The following CDK5RAP2 variants were observed in gnomAD, a reference collection of about 807,000 sequenced individuals.
The protein encoded by CDK5RAP2 is CDK5 regulatory subunit associated protein 2.
A neutral mutation model predicts 232.9 loss-of-function variants in CDK5RAP2; 147 were observed. The ratio of observed to expected loss-of-function variants is 0.63; its 90% CI spans 0.55 to 0.72. CDK5RAP2 has a LOEUF of 0.72. Among genes scored for constraint, CDK5RAP2 ranks in the 30% least tolerant of loss-of-function variants. CDK5RAP2 has a pLI of 0.00. For synonymous variants in CDK5RAP2, 833 were observed against 833.7 expected, an observed-to-expected ratio of 1.00 and a Z score of 0.01; for missense variants, 2,195 against 2,231.5, an observed-to-expected ratio of 0.98 and a Z score of 0.33.
At chr9:120,459,047 G>A (rs1243538237) in intron 19 of CDK5RAP2, among the ~76,000 whole-genome samples, 2 of 152,208 alleles carry the variant, frequency 1.3e-5, no homozygotes, top group African/African-American at 2.4e-5. Flanking sequence ...CCTAAGAAGA[G>A]TATGGAACCC....
chr9:120,529,869 T>C (rs924098690), intron 8 of CDK5RAP2, 109 bp downstream of exon 8: 4 of 1,075,230 alleles, frequency 3.7e-6, no homozygotes, highest in Non-Finnish European at 4.3e-6. Flanking sequence ...GGGACTCATA[T>C]TTAGAAGCAG....
intron 3 of CDK5RAP2, among the ~76,000 whole-genome samples, chr9:120,560,497 C>T (rs1470030716): frequency 6.6e-6 from 1 of 152,224 alleles, no homozygotes; most frequent in Non-Finnish European, 1.5e-5. Context: ...TGTGATTATG[C>T]TCCACTTGCC....
intron 7 of CDK5RAP2, among the ~76,000 whole-genome samples, chr9:120,531,750 G>A (rs1419971876): frequency 6.6e-6 from 1 of 152,170 alleles, no homozygotes; most frequent in African/African-American, 2.4e-5. Flanking sequence ...AGCTGCCCTA[G>A]TGAAGCACAG....
At chr9:120,541,957 A>G (rs2041651068) in intron 5 of CDK5RAP2, among the ~76,000 whole-genome samples, 1 of 152,244 alleles carries the variant, frequency 6.6e-6, no homozygotes, top group Non-Finnish European at 1.5e-5. Flanking sequence ...CAAGAAAGCC[A>G]GATTCTATAA....
chr9:120,541,532 C>T (rs929577399), intron 5 of CDK5RAP2, among the ~76,000 whole-genome samples: 3 of 152,114 alleles, frequency 2.0e-5, no homozygotes, highest in Non-Finnish European at 4.4e-5. Flanking sequence ...TGTTTTAAAG[C>T]TACAGAGATA....
intron 1 of CDK5RAP2, among the ~76,000 whole-genome samples, chr9:120,578,198 C>A (rs946979618): frequency 6.6e-6 from 1 of 152,072 alleles, no homozygotes; most frequent in Non-Finnish European, 1.5e-5. Flanking sequence ...ACCCGGGAGG[C>A]GGAGGTTGAA....
At chr9:120,566,150 A>T (rs2042639805) in intron 3 of CDK5RAP2, among the ~76,000 whole-genome samples, 1 of 152,200 alleles carries the variant, frequency 6.6e-6, no homozygotes, top group Non-Finnish European at 1.5e-5. Context: ...TCTTAAAATT[A>T]GCTTTAGGTG....
Position 120,402,857 on chromosome 9 carries a change from G to A in CDK5RAP2, c.5256C>T (p.Asp1752=). Residue 1752 remains aspartate, a synonymous_variant, in exon 34 of 38, where the codon GAC becomes GAT. Transcript: ENST00000349780. ...SQGQRLLAEM[D]IQTQEAPSST... The stretch of plus-strand genomic sequence containing the variant: ...AGCTGGGAGCCTCTTGGGTTTGAAT[G>A]TCCATTTCAGCAAGGAGCCTCTGTC... 1.9e-6 allele frequency: 3 copies of A among 1,614,176 alleles called. No individual in the cohort carries two copies. Among genetic ancestry groups the A allele is most frequent in the Non-Finnish European group, 1.7e-6 (2 of 1,180,030 alleles).
At chr9:120,418,740 A>G (rs559032480) in intron 27 of CDK5RAP2, among the ~76,000 whole-genome samples, 20 of 152,286 alleles carry the variant, frequency 1.3e-4, no homozygotes, top group African/African-American at 3.4e-4. Flanking sequence ...ACCCCAGCTG[A>G]TACCTCAGTT....
chr9:120,546,318 C>T (rs1318075046), intron 4 of CDK5RAP2, among the ~76,000 whole-genome samples: 1 of 152,210 alleles, frequency 6.6e-6, no homozygotes, highest in Admixed American at 6.5e-5. Flanking sequence ...TCACTTAAAG[C>T]TACAACCACA....
Position 120,439,987 on chromosome 9 carries a change from C to T in CDK5RAP2, c.3149-15G>A. 1 of 1,606,776 alleles carries T rather than the reference C, an allele frequency of 6.2e-7. No individual in the cohort carries two copies. Among genetic ancestry groups the T allele is most frequent in the East Asian group, 2.2e-5 (1 of 44,866 alleles). On this transcript the variant is annotated splice_polypyrimidine_tract_variant and intron_variant, in intron 23 of 37. Coordinates refer to ENST00000349780, the MANE Select transcript of CDK5RAP2 (RefSeq NM_018249.6). ...AATCTCAGAGTCTGAAAATCAAATA[C>T]ACTTATGTCAGTATCTCTTTTACTA...
At chr9:120,511,532 A>G (rs908326959) in intron 12 of CDK5RAP2, among the ~76,000 whole-genome samples, 1 of 152,194 alleles carries the variant, frequency 6.6e-6, no homozygotes, top group African/African-American at 2.4e-5. Flanking sequence ...TAAACTGCTC[A>G]AAGTACTCTT....
At chr9:120,455,601 G>A (rs1243900601) in intron 20 of CDK5RAP2, among the ~76,000 whole-genome samples, 1 of 152,058 alleles carries the variant, frequency 6.6e-6, no homozygotes, top group Non-Finnish European at 1.5e-5. Context: ...AAATTAGCCA[G>A]GGATGATGGC....
chr9:120,515,608 C>A lies in CDK5RAP2; in HGVS notation c.1311+2819G>T, dbSNP rs192712704. On this transcript the variant is annotated intron_variant, in intron 12 of 37. Coordinates refer to ENST00000349780, the MANE Select transcript of CDK5RAP2 (RefSeq NM_018249.6). ...TAGTGCACTCTAACATTGCTGGTGGCAGCATAAAATGGGCCAGCCTTTTGG... is the reference window on the plus strand; with the variant it reads ...TAGTGCACTCTAACATTGCTGGTGGAAGCATAAAATGGGCCAGCCTTTTGG... 3.9e-5 allele frequency among the ~76,000 whole-genome samples: 6 copies of A among 152,196 alleles called. 1 individual carries two copies. The highest frequency in any genetic ancestry group is 7.4e-5 in the Non-Finnish European group (5 of 68,004).
intron 34 of CDK5RAP2, 96 bp downstream of exon 34, chr9:120,402,710 T>A (rs1272290297): frequency 7.2e-7 from 1 of 1,389,304 alleles, no homozygotes; most frequent in Non-Finnish European, 1.0e-6. Flanking sequence ...CTTCTCAGGG[T>A]CCTAATGAGG....
At chr9:120,434,349 C>T (rs1003278189) in intron 25 of CDK5RAP2, among the ~76,000 whole-genome samples, 4 of 151,920 alleles carry the variant, frequency 2.6e-5, no homozygotes, top group East Asian at 3.9e-4. Flanking sequence ...GAGGGTGGGG[C>T]GGCAGAAGTA....
At chr9:120,452,603 C>T (rs893943094) in intron 21 of CDK5RAP2, among the ~76,000 whole-genome samples, 22 of 151,440 alleles carry the variant, frequency 1.5e-4, no homozygotes, top group African/African-American at 4.4e-4. Context: ...GGGGTCAAGC[C>T]GTGACCTCAA....
At chr9:120,532,177 A>G (rs1268314588) in intron 7 of CDK5RAP2, among the ~76,000 whole-genome samples, 3 of 152,162 alleles carry the variant, frequency 2.0e-5, no homozygotes, top group African/African-American at 7.2e-5. Context: ...CTAGGTTTTA[A>G]ACAGAAGGTG....
chr9:120,492,080 C>T (rs984457513), intron 12 of CDK5RAP2, among the ~76,000 whole-genome samples: 1 of 151,542 alleles, frequency 6.6e-6, no homozygotes, highest in African/African-American at 2.4e-5. Flanking sequence ...ATGTTATTCC[C>T]ATGTTACAGA....
Sources: allele counts gnomAD v4.1 joint callset (sites outside exome capture counted in the v4.1 genomes callset), GRCh38; gene constraint gnomAD v4.1.1; transcripts MANE v1.5; gene names NCBI Gene and HGNC (gene_info 2026-07-23, HGNC 2026-07-21).